ACAP2: variants seen among roughly 807,000 people sequenced by gnomAD.
ACAP2 encodes the protein arf-GAP with coiled-coil, ANK repeat and PH domain-containing protein 2.
In ACAP2, 39 loss-of-function variants were observed where a neutral mutation model predicts 115.8. The observed-to-expected ratio is 0.34, with a 90% CI of 0.26 to 0.44. The LOEUF is 0.44. Among genes scored for constraint, ACAP2 ranks in the 20% least tolerant of loss-of-function variants. The pLI is 1.00. For synonymous variants in ACAP2, 289 were observed against 315.8 expected, an observed-to-expected ratio of 0.92 and a Z score of 0.90; for missense variants, 662 against 927.6, an observed-to-expected ratio of 0.71 and a Z score of 3.72.
intron 1 of ACAP2, among the ~76,000 whole-genome samples, chr3:195,421,252 G>T (rs1714166473): frequency 6.6e-6 from 1 of 152,090 alleles, no homozygotes; most frequent in East Asian, 1.9e-4. Context: ...AGTAGGTCTG[G>T]GGCAGAGTCC....
chr3:195,418,191 C>A (rs1372479801), intron 1 of ACAP2, among the ~76,000 whole-genome samples: 1 of 152,166 alleles, frequency 6.6e-6, no homozygotes, highest in African/African-American at 2.4e-5. Context: ...TTTCACCTGT[C>A]AATTTAAATA....
At position 195,284,189 on chromosome 3, in the gene ACAP2, G is replaced by A. The variant is rs111911816; in HGVS notation, c.2236+1607C>T. On this transcript the variant is annotated intron_variant, in intron 22 of 22. Coordinates refer to ENST00000326793, the MANE Select transcript of ACAP2 (RefSeq NM_012287.6). ...CTAACCAAACACTGAAGTTAAAAAT[G>A]TCAGGGGGAAAATAATTGTTTAACT... is the stretch of plus-strand genomic sequence containing the variant. 4.1e-4 allele frequency among the ~76,000 whole-genome samples: 63 copies of A among 152,312 alleles called. No homozygotes were observed. The Middle Eastern group carries it at 0.017, about 41-fold the overall frequency.
chr3:195,310,880 AC>A (rs1415338166), intron 10 of ACAP2, among the ~76,000 whole-genome samples: 8 of 152,140 alleles, frequency 5.3e-5, no homozygotes, highest in Admixed American at 2.6e-4. Context: ...TTAAGGAAAA[AC>A]GTCATATATC....
chr3:195,387,463 G>A (rs115711328), intron 2 of ACAP2, among the ~76,000 whole-genome samples: 2,454 of 152,194 alleles, frequency 0.016, 69 homozygotes, highest in African/African-American at 0.056. Flanking sequence ...ATAATAATAA[G>A]AAATAATATA....
At chr3:195,311,806 G>C (rs1338365709) in intron 10 of ACAP2, among the ~76,000 whole-genome samples, 1 of 151,988 alleles carries the variant, frequency 6.6e-6, no homozygotes, top group African/African-American at 2.4e-5. Context: ...CAAAGTGCTG[G>C]GATTACAGGC....
At chr3:195,303,413 A>G (rs1728199103) in intron 13 of ACAP2, among the ~76,000 whole-genome samples, 1 of 141,606 alleles carries the variant, frequency 7.1e-6, no homozygotes, top group Non-Finnish European at 1.5e-5. Context: ...CATCATATGT[A>G]CATAAATACA....
intron 1 of ACAP2, among the ~76,000 whole-genome samples, chr3:195,410,402 CAACA>C (rs1713160293): frequency 6.6e-6 from 1 of 152,108 alleles, no homozygotes; most frequent in Non-Finnish European, 1.5e-5. Context: ...CAACAAAAGA[CAACA>C]GACAAACTGC....
At chr3:195,308,982 A>T (rs1473106602) in intron 10 of ACAP2, 145 bp from the exon 11 acceptor site, 1 of 700,300 alleles carries the variant, frequency 1.4e-6, no homozygotes, top group East Asian at 2.9e-5. Context: ...GCTTTATATA[A>T]ACTGATTCTA....
chr3:195,342,536 C>T lies in ACAP2; in HGVS notation c.463G>A (p.Ala155Thr), dbSNP rs944415401. The T allele has an allele frequency of 1.9e-6, 3 of 1,612,538 alleles. No individual in the cohort carries two copies. In the East Asian group the frequency reaches 6.7e-5, roughly 36 times the overall value. Residue 155 changes from alanine to threonine, a missense_variant, in exon 6 of 23, where the codon GCC (alanine) becomes ACC (threonine). Ala to Thr is a moderately conservative substitution (Grantham distance 58, BLOSUM62 0). Coordinates refer to ENST00000326793, the MANE Select transcript of ACAP2 (RefSeq NM_012287.6). ...QRNKQHEVEE[A>T]TNILTATRKC... ...CTTGTTGCTGTCAGAATGTTGGTGG[C>T]TTCTTCAACTTCATGTTGTTTGTTT... is the stretch of plus-strand genomic sequence containing the variant.
At chr3:195,426,264 C>G (rs1163833512) in intron 1 of ACAP2, among the ~76,000 whole-genome samples, 1 of 152,172 alleles carries the variant, frequency 6.6e-6, no homozygotes, top group African/African-American at 2.4e-5. Flanking sequence ...GCTATCCACC[C>G]TTTCCTACCC....
intron 6 of ACAP2, among the ~76,000 whole-genome samples, chr3:195,339,061 T>C (rs1278994024): frequency 1.3e-5 from 2 of 152,046 alleles, no homozygotes. Context: ...TGAAACCCCA[T>C]CTCTACTAAA....
chr3:195,390,317 C>T (rs915375500), intron 2 of ACAP2, among the ~76,000 whole-genome samples: 1 of 152,156 alleles, frequency 6.6e-6, no homozygotes, highest in Non-Finnish European at 1.5e-5. Context: ...AGTAATAACA[C>T]TTGTCCTATC....
chr3:195,315,410 T>C (rs1023951342), intron 10 of ACAP2, among the ~76,000 whole-genome samples: 1 of 152,256 alleles, frequency 6.6e-6, no homozygotes, highest in Non-Finnish European at 1.5e-5. Flanking sequence ...ATTAATTTGC[T>C]ATCCATAATT....
intron 8 of ACAP2, among the ~76,000 whole-genome samples, chr3:195,327,493 T>A (rs1247485809): frequency 6.6e-6 from 1 of 151,128 alleles, no homozygotes; most frequent in Non-Finnish European, 1.5e-5. Context: ...CATACTCAAA[T>A]CTAAAAAGAA....
At chr3:195,310,006 C>T (rs141390521) in intron 10 of ACAP2, among the ~76,000 whole-genome samples, 12 of 152,206 alleles carry the variant, frequency 7.9e-5, no homozygotes, top group Admixed American at 3.9e-4. Flanking sequence ...GTATTTGAAT[C>T]ATTATTTTAA....
chr3:195,368,782 T>A (rs7623135), intron 4 of ACAP2, among the ~76,000 whole-genome samples: 45,886 of 152,112 alleles, frequency 0.3, 8,009 homozygotes, highest in East Asian at 0.82. Flanking sequence ...ACCATAAAAA[T>A]CATTTCTAAA....
chr3:195,397,429 G>T (rs1378115934), intron 1 of ACAP2, among the ~76,000 whole-genome samples: 1 of 151,984 alleles, frequency 6.6e-6, no homozygotes, highest in Non-Finnish European at 1.5e-5. Flanking sequence ...TACTCCCTCT[G>T]TTTTCGACCA....
At chr3:195,291,660 A>G in intron 20 of ACAP2, 46 bp downstream of exon 20, 4 of 1,507,308 alleles carry the variant, frequency 2.7e-6, no homozygotes, top group Middle Eastern at 1.8e-4. Context: ...AATTCAAAAT[A>G]ATTTTTCAAA....
rs1378667597 is a variant in ACAP2, at chr3:195,291,720, G to A, written c.2049C>T (p.Val683=). 6.2e-7 allele frequency: 1 copy of A among 1,613,702 alleles called. No homozygotes were observed. Among genetic ancestry groups the A allele is most frequent in the Non-Finnish European group, 8.5e-7 (1 of 1,179,840 alleles). Reference sequence around the variant, plus strand: ...ACTGCAGTTACCCTGTGTGCCCTAAGACGGTGGCATGGTGCAATGGTCCCC... The same window carrying A: ...ACTGCAGTTACCCTGTGTGCCCTAAAACGGTGGCATGGTGCAATGGTCCCC... ...QGRGPLHHAT[V]LGHTGQVCLF... Residue 683 remains valine (V), a synonymous_variant, in exon 20 of 23, where the codon GTC becomes GTT. Transcript: ENST00000326793.
Sources: allele counts gnomAD v4.1 joint callset (sites outside exome capture counted in the v4.1 genomes callset), GRCh38; gene constraint gnomAD v4.1.1; transcripts MANE v1.5; gene names NCBI Gene and HGNC (gene_info 2026-07-23, HGNC 2026-07-21).